RIMS2: variants seen among roughly 807,000 people sequenced by gnomAD.
RIMS2 encodes regulating synaptic membrane exocytosis protein 2.
A neutral mutation model predicts 174.4 loss-of-function variants in RIMS2; 59 were observed. That is an observed-to-expected ratio of 0.34 (90% CI 0.27 to 0.42). RIMS2 has a LOEUF of 0.42. Among genes scored for constraint, RIMS2 ranks in the 10% least tolerant of loss-of-function variants. RIMS2 has a pLI of 1.00. For missense variants in RIMS2, 1,620 were observed against 1,666.3 expected (o/e 0.97, Z 0.48); for synonymous variants, 606 against 572.5 (o/e 1.06, Z -0.84).
rs1459839190 is a variant in RIMS2 at position 103,605,148 on chromosome 8, G to A, written c.177-91938G>A. ...ATTGGCTGTGGGTTTGTCATAGATAGCTCTTCTTATTTTGAGATACATCCC... is the reference window on the plus strand; with the variant it reads ...ATTGGCTGTGGGTTTGTCATAGATAACTCTTCTTATTTTGAGATACATCCC... On this transcript the variant is annotated intron_variant, in intron 1 of 23. Coordinates refer to ENST00000504942, the Ensembl canonical transcript of RIMS2. Among the ~76,000 whole-genome samples the A allele has an allele frequency of 4.6e-5, 2 of 43,604 alleles. 1 individual carries two copies. Among genetic ancestry groups the A allele is most frequent in the Non-Finnish European group, 7.3e-5 (2 of 27,256 alleles). The allele number at this position is 43,604 out of a possible 152,430, so 28.6% of individuals were successfully genotyped here.
chr8:104,148,582 C>T (rs1263251201), intron 19 of RIMS2, 25 bp from the exon 25 acceptor site: 3 of 1,586,052 alleles, frequency 1.9e-6, no homozygotes, highest in Admixed American at 3.4e-5. Context: ...CTTGTCCTCA[C>T]TTTTAATGAT....
intron 19 of RIMS2, among the ~76,000 whole-genome samples, chr8:104,174,959 T>C (rs1225028515): frequency 6.6e-6 from 1 of 152,226 alleles, no homozygotes; most frequent in Non-Finnish European, 1.5e-5. Context: ...AAGTACTCTC[T>C]ACAAGTATTT....
intron 2 of RIMS2, among the ~76,000 whole-genome samples, chr8:103,744,919 A>C (rs958341374): frequency 6.6e-6 from 1 of 152,202 alleles, no homozygotes; most frequent in Non-Finnish European, 1.5e-5. Flanking sequence ...ACTTCTTTGC[A>C]TCAAATGTTG....
intron 19 of RIMS2, among the ~76,000 whole-genome samples, chr8:104,118,837 G>A (rs1036687044): frequency 4.6e-5 from 7 of 152,090 alleles, no homozygotes; most frequent in Admixed American, 6.5e-5. Flanking sequence ...CTGTCTTTTC[G>A]TTGTGTCTTC....
chr8:103,568,267 C>T (rs897582140), intron 1 of RIMS2, among the ~76,000 whole-genome samples: 2 of 152,030 alleles, frequency 1.3e-5, no homozygotes, highest in Admixed American at 1.3e-4. Context: ...TGCTGCACTC[C>T]AGCCTGGGTG....
At chr8:103,728,745 C>CTTTTTTTTT (rs1311572866) in intron 2 of RIMS2, among the ~76,000 whole-genome samples, 1 of 68,144 alleles carries the variant, frequency 1.5e-5, no homozygotes, top group African/African-American at 7.8e-5. Context: ...AGGTATGCTC[C>CTTTTTTTTT]TTCTTTTTTT....
chr8:104,154,561 G>T (rs1042605453), intron 19 of RIMS2, among the ~76,000 whole-genome samples: 9 of 152,098 alleles, frequency 5.9e-5, no homozygotes, highest in Admixed American at 2.0e-4. Context: ...ATAAGAAATA[G>T]AAATTTTAAA....
At chr8:103,746,771 C>G (rs1011285460) in intron 2 of RIMS2, among the ~76,000 whole-genome samples, 1 of 152,086 alleles carries the variant, frequency 6.6e-6, no homozygotes, top group African/African-American at 2.4e-5. Flanking sequence ...ACCTCCGCCT[C>G]CCGGGTTCAA....
chr8:103,736,288 T>G (rs1310081807), intron 2 of RIMS2, among the ~76,000 whole-genome samples: 1 of 152,180 alleles, frequency 6.6e-6, no homozygotes, highest in African/African-American at 2.4e-5. Flanking sequence ...TAAGCTGGAA[T>G]TCTGCAGAAC....
At chr8:103,897,762 A>C (rs756590195) in intron 4 of RIMS2, among the ~76,000 whole-genome samples, 1 of 151,646 alleles carries the variant, frequency 6.6e-6, no homozygotes, top group Non-Finnish European at 1.5e-5. Context: ...AAGTGTGTAC[A>C]TTGTGATTCT....
At chr8:103,665,669 C>CT (rs1470986989) in intron 1 of RIMS2, among the ~76,000 whole-genome samples, 1 of 152,210 alleles carries the variant, frequency 6.6e-6, no homozygotes, top group Non-Finnish European at 1.5e-5. Flanking sequence ...CTCACGCTGA[C>CT]TTTCCAGCTT....
rs567690032 is a variant in RIMS2, at chr8:103,517,250, A to G, written c.176+16188A>G. The stretch of plus-strand genomic sequence containing the variant: ...GTCTTTATAACCAAAGATCACATTC[A>G]AACTGGCCTTGCAGGAAAAAGTATG... On this transcript the variant is annotated intron_variant, in intron 1 of 23. Coordinates refer to ENST00000504942, the Ensembl canonical transcript of RIMS2. Among the ~76,000 whole-genome samples the G allele has an allele frequency of 7.1e-4, 108 of 152,358 alleles. No individual in the cohort carries two copies. In the South Asian group the frequency reaches 8.9e-3, roughly 13 times the overall value.
At chr8:103,530,586 C>T (rs893410222) in intron 1 of RIMS2, among the ~76,000 whole-genome samples, 4 of 151,806 alleles carry the variant, frequency 2.6e-5, no homozygotes, top group African/African-American at 7.3e-5. Flanking sequence ...ACTTTGCAAG[C>T]GTTAAGCAAA....
chr8:103,530,126 T>C (rs1836295077), intron 1 of RIMS2, among the ~76,000 whole-genome samples: 1 of 152,202 alleles, frequency 6.6e-6, no homozygotes, highest in African/African-American at 2.4e-5. Flanking sequence ...TACATGATAG[T>C]AGTGTATATG....
chr8:103,648,522 T>C (rs2135749104), intron 1 of RIMS2, among the ~76,000 whole-genome samples: 1 of 152,286 alleles, frequency 6.6e-6, no homozygotes, highest in Middle Eastern at 3.4e-3. Flanking sequence ...CGATGATCTG[T>C]CTCATATTGA....
Position 103,701,803 on chromosome 8 carries a change from T to A in RIMS2, c.387+4507T>A, listed in dbSNP as rs552094079. 2.0e-5 allele frequency among the ~76,000 whole-genome samples: 3 copies of A among 152,250 alleles called. No homozygotes were observed. In the South Asian group the frequency reaches 6.2e-4, roughly 32 times the overall value. On this transcript the variant is annotated intron_variant, in intron 2 of 23. Transcript: ENST00000504942. Reference sequence around the variant, plus strand: ...GGGCCGAATAATATTCCATTGTGTATATATACAACATTTTAGAATCCTTTC... The same window carrying A: ...GGGCCGAATAATATTCCATTGTGTAAATATACAACATTTTAGAATCCTTTC...
At chr8:103,573,991 G>A (rs2132470476) in intron 1 of RIMS2, among the ~76,000 whole-genome samples, 1 of 152,060 alleles carries the variant, frequency 6.6e-6, no homozygotes, top group East Asian at 1.9e-4. Context: ...TATTTTCACT[G>A]GCATGTCAGT....
intron 1 of RIMS2, among the ~76,000 whole-genome samples, chr8:103,547,888 T>G (rs1443288676): frequency 1.3e-5 from 2 of 152,234 alleles, no homozygotes; most frequent in African/African-American, 4.8e-5. Flanking sequence ...AACACCTCTA[T>G]GCACACAAAC....
At chr8:103,951,684 GAC>G (rs1409824242) in intron 14 of RIMS2, among the ~76,000 whole-genome samples, 1 of 152,176 alleles carries the variant, frequency 6.6e-6, no homozygotes, top group Non-Finnish European at 1.5e-5. Flanking sequence ...CATTTGGGCA[GAC>G]ACTGAGCTAG....
Sources: gnomAD v4.1 joint callset for allele counts (sites outside exome capture counted in the v4.1 genomes callset) on GRCh38, gnomAD v4.1.1 for gene constraint, MANE v1.5 for transcripts, NCBI Gene and HGNC (gene_info 2026-07-23, HGNC 2026-07-21) for gene names.